CCDC102B: variants seen among roughly 807,000 people sequenced by gnomAD.
CCDC102B encodes coiled-coil domain containing 102B, also known as coiled-coil domain-containing protein 102B.
A neutral mutation model predicts 57.4 loss-of-function variants in CCDC102B; 75 were observed. The ratio of observed to expected loss-of-function variants is 1.31; its 90% CI spans 1.08 to 1.58. The LOEUF is 1.58. Ranked by LOEUF, CCDC102B falls within the 40% of genes most tolerant of loss-of-function variation. The probability of loss-of-function intolerance (pLI) is 0.00; values close to 1 mark genes in which losing one functional copy is unlikely to be tolerated. For synonymous variants in CCDC102B, 206 were observed against 201.9 expected (o/e 1.02, Z -0.17); for missense variants, 636 against 582.6 (o/e 1.09, Z -0.94).
intron 6 of CCDC102B, among the ~76,000 whole-genome samples, chr18:68,967,012 C>G (rs978164600): frequency 2.0e-5 from 3 of 152,098 alleles, no homozygotes; most frequent in African/African-American, 7.2e-5. Flanking sequence ...TTTCCTTAGA[C>G]AGAAACACGA....
intron 2 of CCDC102B, among the ~76,000 whole-genome samples, chr18:68,765,324 G>GAAAGAAAGAAAGAAA (rs2034407001): frequency 9.9e-5 from 6 of 60,390 alleles, no homozygotes; most frequent in South Asian, 1.5e-3. Context: ...AAGGAAGGAA[G>GAAAGAAAGAAAGAAA]GAAAGAAAGA....
chr18:68,989,596 C>G (rs1053978405), intron 6 of CCDC102B, among the ~76,000 whole-genome samples: 1 of 152,188 alleles, frequency 6.6e-6, no homozygotes, highest in African/African-American at 2.4e-5. Context: ...CGGATTCCAT[C>G]CCTCATGAGC....
chr18:68,789,789 C>T (rs2035359567), intron 2 of CCDC102B, among the ~76,000 whole-genome samples: 2 of 148,572 alleles, frequency 1.3e-5, no homozygotes, highest in East Asian at 2.0e-4. Context: ...CCTCCCGTAG[C>T]TCAGAGTAAT....
intron 2 of CCDC102B, among the ~76,000 whole-genome samples, chr18:68,741,345 C>A (rs1330033807): frequency 6.6e-6 from 1 of 152,154 alleles, no homozygotes; most frequent in Non-Finnish European, 1.5e-5. Context: ...CAATGGCATG[C>A]ACCTTTCCCA....
At chr18:69,029,891 G>A (rs2052092496) in intron 7 of CCDC102B, among the ~76,000 whole-genome samples, 1 of 152,090 alleles carries the variant, frequency 6.6e-6, no homozygotes. Flanking sequence ...TTGGGATTCT[G>A]TTTTAAGGCA....
intron 7 of CCDC102B, among the ~76,000 whole-genome samples, chr18:69,018,362 A>C (rs1177761305): frequency 6.6e-6 from 1 of 152,232 alleles, no homozygotes; most frequent in Non-Finnish European, 1.5e-5. Context: ...ACTGTTCTCC[A>C]TAATGGATAT....
chr18:68,837,935 A>T (rs931027913), intron 2 of CCDC102B, among the ~76,000 whole-genome samples: 1 of 152,232 alleles, frequency 6.6e-6, no homozygotes, highest in African/African-American at 2.4e-5. Flanking sequence ...TTAAGGAATG[A>T]ATCATCCTAG....
intron 2 of CCDC102B, among the ~76,000 whole-genome samples, chr18:68,789,413 C>T (rs1056252182): frequency 9.9e-5 from 15 of 152,158 alleles, no homozygotes; most frequent in African/African-American, 2.9e-4. Context: ...TGGATAATAT[C>T]CTGCAGAGTG....
chr18:69,020,880 C>T (rs190150347), intron 7 of CCDC102B, among the ~76,000 whole-genome samples: 2 of 152,172 alleles, frequency 1.3e-5, no homozygotes, highest in Non-Finnish European at 2.9e-5. Flanking sequence ...TGTAATACAT[C>T]TTCTAGATTT....
chr18:68,877,234 A>T (rs1039718270), intron 5 of CCDC102B, among the ~76,000 whole-genome samples: 1 of 152,156 alleles, frequency 6.6e-6, no homozygotes, highest in African/African-American at 2.4e-5. Flanking sequence ...CTCAATGACG[A>T]TTGTGATGTG....
intron 6 of CCDC102B, among the ~76,000 whole-genome samples, chr18:68,944,489 G>A (rs2049476747): frequency 6.6e-6 from 1 of 151,960 alleles, no homozygotes; most frequent in Non-Finnish European, 1.5e-5. Flanking sequence ...GTTGGCAGAT[G>A]GGTATCTTCT....
intron 2 of CCDC102B, among the ~76,000 whole-genome samples, chr18:68,729,226 T>G (rs1269131121): frequency 1.3e-5 from 2 of 152,108 alleles, no homozygotes; most frequent in Non-Finnish European, 2.9e-5. Flanking sequence ...AATGGAGAGA[T>G]AAAGCACTGC....
intron 3 of CCDC102B, among the ~76,000 whole-genome samples, chr18:68,845,249 A>G (rs2037808292): frequency 6.6e-6 from 1 of 151,904 alleles, no homozygotes; most frequent in South Asian, 2.1e-4. Flanking sequence ...ATGACATTCA[A>G]TATTGATTCT....
At chr18:68,901,822 C>T (rs919025387) in intron 6 of CCDC102B, among the ~76,000 whole-genome samples, 1 of 152,086 alleles carries the variant, frequency 6.6e-6, no homozygotes, top group Non-Finnish European at 1.5e-5. Flanking sequence ...GAATAGACAC[C>T]ATTTCTCATA....
intron 5 of CCDC102B, among the ~76,000 whole-genome samples, chr18:68,882,872 C>T (rs1326261081): frequency 6.6e-6 from 1 of 152,074 alleles, no homozygotes; most frequent in Admixed American, 6.6e-5. Flanking sequence ...TTATCCTTAG[C>T]AAACTAATAA....
chr18:69,041,344 T>G (rs2052429644), intron 7 of CCDC102B, among the ~76,000 whole-genome samples: 1 of 152,092 alleles, frequency 6.6e-6, no homozygotes, highest in African/African-American at 2.4e-5. Context: ...CCCCTTATAG[T>G]TACCCCGATA....
chr18:68,730,583 T>G (rs990745726), intron 2 of CCDC102B, among the ~76,000 whole-genome samples: 6 of 152,196 alleles, frequency 3.9e-5, no homozygotes, highest in African/African-American at 1.4e-4. Flanking sequence ...GATAAGCAAT[T>G]GACTAGAACA....
At chr18:68,748,205 G>GGTGTGTGTGTGTGT (rs5825872) in intron 2 of CCDC102B, among the ~76,000 whole-genome samples, 6 of 137,502 alleles carry the variant, frequency 4.4e-5, no homozygotes, top group Non-Finnish European at 4.7e-5. Context: ...TTATTAAACT[G>GGTGTGTGTGTGTGT]GTGTGTGTGT....
At chr18:68,908,817 T>C (rs1193688358) in intron 6 of CCDC102B, among the ~76,000 whole-genome samples, 1 of 152,034 alleles carries the variant, frequency 6.6e-6, no homozygotes, top group Non-Finnish European at 1.5e-5. Flanking sequence ...TACATATATA[T>C]TGGTTACTTA....
Sources: gnomAD v4.1 joint callset for allele counts (sites outside exome capture counted in the v4.1 genomes callset) on GRCh38, gnomAD v4.1.1 for gene constraint, MANE v1.5 for transcripts, NCBI Gene and HGNC (gene_info 2026-07-23, HGNC 2026-07-21) for gene names.